The following ARHGAP6 variants were observed in gnomAD, a reference collection of about 807,000 sequenced individuals.
ARHGAP6 encodes rho GTPase-activating protein 6.
A neutral mutation model predicts 55.7 loss-of-function variants in ARHGAP6; 16 were observed. The ratio of observed to expected loss-of-function variants is 0.29; its 90% confidence interval spans 0.19 to 0.44. The LOEUF is 0.44. Among genes scored for constraint, ARHGAP6 ranks in the 20% least tolerant of loss-of-function variants. ARHGAP6 has a pLI of 1.00. For synonymous variants in ARHGAP6, 382 were observed against 360.9 expected, an observed-to-expected ratio of 1.06 and a Z score of -0.66; for missense variants, 698 against 808.9, an observed-to-expected ratio of 0.86 and a Z score of 1.66.
In ARHGAP6 at chrX:11,170,666, G is replaced by A. The variant is rs1304703848; in HGVS notation, c.1630-982C>T. ...CATCTGAACTAGGAAGGAAGAAGTA[G>A]GGATGAAGAGCAGCTTCCAAAGTTA... is the stretch of plus-strand genomic sequence containing the variant. On this transcript the variant is annotated intron_variant, in intron 8 of 12. Coordinates refer to ENST00000337414, the MANE Select transcript of ARHGAP6 (RefSeq NM_013427.3). Among the ~76,000 whole-genome samples the A allele has an allele frequency of 3.6e-5, 4 of 111,826 alleles. No homozygotes were observed. In the East Asian group the frequency reaches 8.4e-4, roughly 23 times the overall value.
intron 1 of ARHGAP6, among the ~76,000 whole-genome samples, chrX:11,584,026 A>G (rs1284723685): frequency 8.9e-6 from 1 of 112,031 alleles, no homozygotes; most frequent in African/African-American, 3.2e-5. Flanking sequence ...GAAAAGGACT[A>G]TGCCAAAGTG....
At chrX:11,452,941 C>A (rs2050157049) in intron 1 of ARHGAP6, among the ~76,000 whole-genome samples, 1 of 110,771 alleles carries the variant, frequency 9.0e-6, no homozygotes, top group African/African-American at 3.3e-5. Context: ...TCCAAATCTA[C>A]TCCTCACTAA....
chrX:11,312,787 C>A (rs540869441), intron 1 of ARHGAP6, among the ~76,000 whole-genome samples: 1 of 111,442 alleles, frequency 9.0e-6, no homozygotes, highest in African/African-American at 3.3e-5. Flanking sequence ...CTCTTCACTG[C>A]ATGTTCTACT....
At position 11,137,766 on chromosome X, in the gene ARHGAP6, A is replaced by G. The variant is rs967246812; in HGVS notation, c.*1097T>C. 2.7e-5 allele frequency: 3 copies of G among 112,666 alleles called. No homozygotes were observed. The highest frequency in any genetic ancestry group is 3.8e-5 in the Non-Finnish European group (2 of 53,260). 9.3% of individuals were successfully genotyped at this position (112,666 alleles called of 1,213,427 possible). A position where few individuals can be genotyped will look rare whatever the true frequency, so the allele number is the denominator to read the frequency against. On this transcript the variant is annotated 3_prime_UTR_variant, in exon 13 of 13. Coordinates refer to ENST00000337414, the MANE Select transcript of ARHGAP6 (RefSeq NM_013427.3). ...AATAGTTATGCACTTGAAAAACTTC[A>G]AACTACTAAAGTACGGTAGAACATT...
intron 1 of ARHGAP6, among the ~76,000 whole-genome samples, chrX:11,594,809 C>T (rs1214453265): frequency 1.8e-5 from 2 of 111,981 alleles, no homozygotes; most frequent in African/African-American, 3.3e-5. Flanking sequence ...ACATAAAGAT[C>T]TGTATTTCAC....
chrX:11,621,078 G>A (rs931658771), intron 1 of ARHGAP6, among the ~76,000 whole-genome samples: 2 of 111,149 alleles, frequency 1.8e-5, no homozygotes, highest in Non-Finnish European at 3.8e-5. Context: ...TTTGTCCTGG[G>A]GACCCCGGTG....
chrX:11,399,728 TATTTC>T (rs1185128655), intron 1 of ARHGAP6, among the ~76,000 whole-genome samples: 22 of 112,084 alleles, frequency 2.0e-4, no homozygotes, highest in African/African-American at 6.8e-4. Context: ...CTCCTAGCTA[TATTTC>T]ATTTCAAGAG....
intron 1 of ARHGAP6, among the ~76,000 whole-genome samples, chrX:11,369,143 T>G (rs1250478783): frequency 6.3e-5 from 7 of 111,869 alleles, no homozygotes; most frequent in Admixed American, 3.8e-4. Context: ...AAGCTTTCTT[T>G]TTACAGGACA....
intron 6 of ARHGAP6, among the ~76,000 whole-genome samples, chrX:11,181,359 G>C (rs946419254): frequency 1.4e-4 from 16 of 112,170 alleles, no homozygotes; most frequent in African/African-American, 4.9e-4. Flanking sequence ...TTGAGTTGCT[G>C]AGTTCCTTAT....
chrX:11,597,657 A>G (rs1375670800), intron 1 of ARHGAP6, among the ~76,000 whole-genome samples: 1 of 112,318 alleles, frequency 8.9e-6, no homozygotes, highest in Non-Finnish European at 1.9e-5. Flanking sequence ...TTAATCAGAA[A>G]CTGACAGCAG....
intron 1 of ARHGAP6, among the ~76,000 whole-genome samples, chrX:11,632,242 T>C (rs2052368862): frequency 1.8e-5 from 2 of 112,603 alleles, no homozygotes; most frequent in African/African-American, 6.5e-5. Context: ...AGACATTAGA[T>C]TAAGAAAACA....
chrX:11,663,620 C>T (rs1347112112), intron 1 of ARHGAP6, among the ~76,000 whole-genome samples: 1 of 111,934 alleles, frequency 8.9e-6, no homozygotes, highest in East Asian at 2.8e-4. Context: ...TAGGCATCAG[C>T]ATATTTCCAT....
intron 1 of ARHGAP6, among the ~76,000 whole-genome samples, chrX:11,297,106 G>C (rs2048098891): frequency 9.0e-6 from 1 of 111,719 alleles, no homozygotes. Flanking sequence ...CCATGATAGG[G>C]CAAAAAGTAA....
chrX:11,519,461 C>T (rs757051835), intron 1 of ARHGAP6, among the ~76,000 whole-genome samples: 220 of 105,765 alleles, frequency 2.1e-3, no homozygotes, highest in South Asian at 0.013. Flanking sequence ...TCATGTCCTT[C>T]GCCCACTTTT....
chrX:11,398,187 T>C (rs2049501985), intron 1 of ARHGAP6, among the ~76,000 whole-genome samples: 1 of 108,098 alleles, frequency 9.3e-6, no homozygotes, highest in Non-Finnish European at 1.9e-5. Flanking sequence ...CCTAGGGTTG[T>C]TATGAAGATT....
At chrX:11,628,984 CGTGTGTGTGTGTGT>C (rs55999982) in intron 1 of ARHGAP6, among the ~76,000 whole-genome samples, 18 of 101,480 alleles carry the variant, frequency 1.8e-4, no homozygotes, top group Non-Finnish European at 2.4e-4. Flanking sequence ...GCTTCAGATA[CGTGTGTGTGTGTGT>C]GTGTGTGTGT....
intron 9 of ARHGAP6, among the ~76,000 whole-genome samples, chrX:11,159,491 A>G (rs2045910905): frequency 9.1e-6 from 1 of 110,172 alleles, no homozygotes; most frequent in Admixed American, 9.7e-5. Context: ...ATGGAGAGAG[A>G]GAGAAGAGAG....
chrX:11,190,480 T>TATATATATATACAC (rs1398140938), intron 3 of ARHGAP6, among the ~76,000 whole-genome samples: 1 of 99,516 alleles, frequency 1.0e-5, no homozygotes, highest in African/African-American at 3.7e-5. Context: ...TATATATATA[T>TATATATATATACAC]ACATATATCT....
chrX:11,461,912 C>T (rs1167025381), intron 1 of ARHGAP6, among the ~76,000 whole-genome samples: 1 of 111,711 alleles, frequency 9.0e-6, no homozygotes, highest in African/African-American at 3.3e-5. Context: ...CCAGAAAGAA[C>T]ACCCTGCAGA....
Sources: allele counts gnomAD v4.1 joint callset (sites outside exome capture counted in the v4.1 genomes callset), GRCh38; gene constraint gnomAD v4.1.1; transcripts MANE v1.5; gene names NCBI Gene and HGNC (gene_info 2026-07-23, HGNC 2026-07-21).